The following PCSK5 variants were observed in gnomAD, a reference collection of about 807,000 sequenced individuals.
The protein encoded by PCSK5 is proprotein convertase subtilisin/kexin type 5.
In PCSK5, 129 loss-of-function variants were observed where a neutral mutation model predicts 233.2. The observed-to-expected ratio is 0.55, with a 90% CI of 0.48 to 0.64. The LOEUF (loss-of-function observed/expected upper bound fraction) is 0.64. PCSK5 is among the 30% of genes least tolerant of loss of function. PCSK5 has a pLI of 0.00. For missense variants in PCSK5, 2,076 were observed against 2,430.1 expected, an observed-to-expected ratio of 0.85 and a Z score of 3.06; for synonymous variants, 825 against 879.2, an observed-to-expected ratio of 0.94 and a Z score of 1.09.
rs78439572 is a variant in PCSK5, at chr9:76,204,275, G to T, written c.2626+14529G>T. Among the ~76,000 whole-genome samples the T allele has an allele frequency of 6.7e-3, 1,014 of 151,986 alleles. 6 individuals are homozygous for T. The highest frequency in any genetic ancestry group is 0.023 in the African/African-American group (966 of 41,426). ...CACTCTGTGAATCTTCTCTAGTTCC[G>T]CAAAGAAGCTAAAGTGACTTTTCAA... On this transcript the variant is annotated intron_variant, in intron 20 of 37. Transcript: ENST00000674117.
At chr9:76,205,217 C>T (rs768152020) in intron 20 of PCSK5, 7 of 518,816 alleles carry the variant, frequency 1.3e-5, no homozygotes, top group Admixed American at 5.8e-5. Context: ...TGTCCCTTTC[C>T]GTATTCAACC....
At chr9:76,051,633 A>T (rs1368679156) in intron 5 of PCSK5, among the ~76,000 whole-genome samples, 2 of 152,032 alleles carry the variant, frequency 1.3e-5, no homozygotes, top group African/African-American at 4.8e-5. Context: ...CATCACATTG[A>T]CCCCTCCAAT....
intron 8 of PCSK5, among the ~76,000 whole-genome samples, chr9:76,102,096 T>C (rs754449787): frequency 1.3e-5 from 2 of 152,250 alleles, no homozygotes; most frequent in African/African-American, 2.4e-5. Flanking sequence ...TGAAGGAACC[T>C]CTATACGGAC....
intron 8 of PCSK5, among the ~76,000 whole-genome samples, chr9:76,101,037 C>G (rs1459784513): frequency 6.6e-6 from 1 of 152,216 alleles, no homozygotes; most frequent in African/African-American, 2.4e-5. Context: ...GCACACCCCT[C>G]CACCACTCTC....
At chr9:75,900,838 G>T (rs1261754980) in intron 1 of PCSK5, among the ~76,000 whole-genome samples, 1 of 151,750 alleles carries the variant, frequency 6.6e-6, no homozygotes, top group East Asian at 1.9e-4. Flanking sequence ...TTGTGTGTGT[G>T]TGTCTAATTA....
chr9:76,175,385 T>TTG (rs1823566012), intron 14 of PCSK5: 1 of 521,748 alleles, frequency 1.9e-6, no homozygotes, highest in Non-Finnish European at 3.4e-6. Flanking sequence ...CCTTAAATAT[T>TTG]TGTGTGTGTA....
chr9:75,896,726 A>T (rs1015212836), intron 1 of PCSK5, among the ~76,000 whole-genome samples: 2 of 152,238 alleles, frequency 1.3e-5, no homozygotes, highest in African/African-American at 4.8e-5. Context: ...ATATATACAC[A>T]TATACTTATA....
At chr9:76,109,439 TA>T (rs57063668) in intron 9 of PCSK5, among the ~76,000 whole-genome samples, 1 of 150,802 alleles carries the variant, frequency 6.6e-6, no homozygotes, top group South Asian at 2.1e-4. Flanking sequence ...ATTATTTTTT[TA>T]AAAAAAAAAC....
At chr9:76,025,131 C>T (rs184557199) in intron 4 of PCSK5, among the ~76,000 whole-genome samples, 45 of 152,124 alleles carry the variant, frequency 3.0e-4, no homozygotes, top group East Asian at 2.7e-3. Flanking sequence ...CTTGATTTCC[C>T]GAAACATTTC....
chr9:76,128,807 C>T (rs1202184260), intron 9 of PCSK5, among the ~76,000 whole-genome samples: 2 of 152,100 alleles, frequency 1.3e-5, no homozygotes, highest in Admixed American at 1.3e-4. Context: ...TTGGGTAATA[C>T]CAATACAACT....
chr9:76,216,266 T>G (rs1016902091), intron 20 of PCSK5, among the ~76,000 whole-genome samples: 1 of 151,962 alleles, frequency 6.6e-6, no homozygotes, highest in African/African-American at 2.4e-5. Flanking sequence ...GAGAGAAGCA[T>G]GTAGAGCCTT....
intron 36 of PCSK5, among the ~76,000 whole-genome samples, chr9:76,351,469 A>G (rs1367694943): frequency 1.5e-5 from 1 of 68,836 alleles, no homozygotes; most frequent in African/African-American, 4.8e-5. Context: ...AGAAAGAAAG[A>G]AAGAAAGAAA....
At chr9:76,192,842 G>T (rs567894228) in intron 20 of PCSK5, among the ~76,000 whole-genome samples, 8 of 152,106 alleles carry the variant, frequency 5.3e-5, no homozygotes, top group Non-Finnish European at 7.4e-5. Flanking sequence ...TACTTAAAAT[G>T]ATGGTGCATC....
At chr9:76,272,665 C>A (rs1827554320) in intron 24 of PCSK5, among the ~76,000 whole-genome samples, 1 of 146,546 alleles carries the variant, frequency 6.8e-6, no homozygotes, top group Admixed American at 7.1e-5. Flanking sequence ...GTCCTAGCTA[C>A]TCGGGAGGCT....
intron 2 of PCSK5, among the ~76,000 whole-genome samples, chr9:75,967,585 G>T (rs754317906): frequency 2.0e-5 from 3 of 152,108 alleles, no homozygotes; most frequent in Non-Finnish European, 2.9e-5. Flanking sequence ...CTGTGTTGTT[G>T]GCCCATTTCA....
At chr9:76,226,060 TA>T (rs1401023056) in intron 20 of PCSK5, among the ~76,000 whole-genome samples, 2 of 152,298 alleles carry the variant, frequency 1.3e-5, no homozygotes, top group Admixed American at 1.3e-4. Flanking sequence ...ATTCCCATTC[TA>T]AAAATTGTAT....
chr9:75,984,612 T>C (rs1256546089), intron 2 of PCSK5, among the ~76,000 whole-genome samples: 3 of 152,226 alleles, frequency 2.0e-5, no homozygotes, highest in Non-Finnish European at 4.4e-5. Flanking sequence ...TGATAGGGCC[T>C]GTGTCAGATG....
intron 7 of PCSK5, among the ~76,000 whole-genome samples, chr9:76,090,630 A>G (rs1278902525): frequency 6.6e-6 from 1 of 152,158 alleles, no homozygotes; most frequent in African/African-American, 2.4e-5. Context: ...AGCCTGGGCT[A>G]CTGTAACAAA....
chr9:75,961,288 G>T (rs1277743200), intron 2 of PCSK5, among the ~76,000 whole-genome samples: 1 of 152,178 alleles, frequency 6.6e-6, no homozygotes, highest in Non-Finnish European at 1.5e-5. Context: ...AGTGATTTAA[G>T]CTCCTGAGGA....
Sources: gnomAD v4.1 joint callset for allele counts (sites outside exome capture counted in the v4.1 genomes callset) on GRCh38, gnomAD v4.1.1 for gene constraint, MANE v1.5 for transcripts, NCBI Gene and HGNC (gene_info 2026-07-23, HGNC 2026-07-21) for gene names.